LHFPL3: variants seen among roughly 807,000 people sequenced by gnomAD.
LHFPL3 encodes LHFPL tetraspan subfamily member 3.
In LHFPL3, 5 loss-of-function variants were observed where a neutral mutation model predicts 19.3. The observed-to-expected ratio is 0.26, with a 90% CI of 0.14 to 0.54. The LOEUF is 0.54. Among genes scored for constraint, LHFPL3 ranks in the 20% least tolerant of loss-of-function variants. The probability of loss-of-function intolerance (pLI) is 0.94; values close to 1 mark genes in which losing one functional copy is unlikely to be tolerated. For synonymous variants in LHFPL3, 133 were observed against 126.2 expected, an observed-to-expected ratio of 1.05 and a Z score of -0.36; for missense variants, 249 against 307.4, an observed-to-expected ratio of 0.81 and a Z score of 1.42.
At chr7:104,718,516 T>A (rs537283842) in intron 1 of LHFPL3, among the ~76,000 whole-genome samples, 1 of 152,248 alleles carries the variant, frequency 6.6e-6, no homozygotes, top group South Asian at 2.1e-4. Context: ...CCTGGCCTTG[T>A]CTAATTTCAG....
At chr7:104,804,226 G>A (rs1790309841) in intron 2 of LHFPL3, 1 of 152,234 alleles carries the variant, frequency 6.6e-6, no homozygotes, top group African/African-American at 2.4e-5. Flanking sequence ...ACCCAGACAT[G>A]TGATATGCTG....
intron 1 of LHFPL3, among the ~76,000 whole-genome samples, chr7:104,374,186 TTATC>T (rs201903374): frequency 3.6e-4 from 39 of 107,654 alleles, no homozygotes; most frequent in African/African-American, 1.0e-3. Flanking sequence ...AGTAATTCTA[TTATC>T]TATCTATCTA....
At chr7:104,373,728 C>T (rs1010098795) in intron 1 of LHFPL3, among the ~76,000 whole-genome samples, 10 of 152,014 alleles carry the variant, frequency 6.6e-5, no homozygotes, top group Admixed American at 5.2e-4. Context: ...TGGTGGCTGC[C>T]CTTAGAGGTG....
At chr7:104,751,381 TG>T (rs1286815557) in intron 2 of LHFPL3, among the ~76,000 whole-genome samples, 26 of 151,594 alleles carry the variant, frequency 1.7e-4, no homozygotes, top group Admixed American at 3.3e-4. Context: ...AGGCACTTCC[TG>T]GGTCTTGGAT....
chr7:104,570,091 A>T (rs1212815667), intron 1 of LHFPL3, among the ~76,000 whole-genome samples: 1 of 152,244 alleles, frequency 6.6e-6, no homozygotes, highest in Non-Finnish European at 1.5e-5. Context: ...GGCTTAAATT[A>T]GACTGTTTTT....
intron 1 of LHFPL3, among the ~76,000 whole-genome samples, chr7:104,460,507 C>T (rs765788378): frequency 1.7e-4 from 26 of 152,166 alleles, no homozygotes; most frequent in Admixed American, 3.3e-4. Context: ...ACCTCACTAG[C>T]ATCTGTTATT....
chr7:104,665,780 C>G (rs1792322402), intron 1 of LHFPL3, among the ~76,000 whole-genome samples: 1 of 152,176 alleles, frequency 6.6e-6, no homozygotes, highest in Admixed American at 6.5e-5. Context: ...GGAAATTGAC[C>G]TGTTTTGTGT....
intron 1 of LHFPL3, among the ~76,000 whole-genome samples, chr7:104,731,330 TG>T (rs1423232521): frequency 6.6e-6 from 1 of 151,858 alleles, no homozygotes; most frequent in Non-Finnish European, 1.5e-5. Flanking sequence ...GGCATTTTCA[TG>T]ATATTGATTC....
At chr7:104,389,139 A>G (rs143298489) in intron 1 of LHFPL3, among the ~76,000 whole-genome samples, 1 of 152,278 alleles carries the variant, frequency 6.6e-6, no homozygotes, top group Non-Finnish European at 1.5e-5. Flanking sequence ...CCACACACAT[A>G]CAAAACTATT....
intron 1 of LHFPL3, among the ~76,000 whole-genome samples, chr7:104,407,846 A>G (rs535759803): frequency 6.6e-6 from 1 of 152,360 alleles, no homozygotes; most frequent in African/African-American, 2.4e-5. Context: ...CTTTCATGAC[A>G]ACCATCTAGA....
chr7:104,507,024 A>T (rs1793712561), intron 1 of LHFPL3, among the ~76,000 whole-genome samples: 1 of 152,322 alleles, frequency 6.6e-6, no homozygotes, highest in East Asian at 1.9e-4. Context: ...TTTTTAGAAG[A>T]GAGAACTGGT....
Position 104,399,450 on chromosome 7 carries a change from G to C in LHFPL3, c.445+70226G>C. On this transcript the variant is annotated intron_variant, in intron 1 of 2. Transcript: ENST00000424859. The surrounding 1 kb of genome is among the most constrained non-coding windows in gnomAD (Gnocchi z 4.4). ...TTCTTCTGTTTTTTTTTGTTTTTTA[G>C]GTTTTTTTTGTTTGTTTGTTTGAGA... Among the ~76,000 whole-genome samples the C allele has an allele frequency of 6.9e-6, 1 of 145,948 alleles. No individual in the cohort carries two copies. Among genetic ancestry groups the C allele is most frequent in the East Asian group, 2.0e-4 (1 of 5,124 alleles).
At chr7:104,419,600 A>G (rs911658101) in intron 1 of LHFPL3, among the ~76,000 whole-genome samples, 2 of 152,232 alleles carry the variant, frequency 1.3e-5, no homozygotes, top group Non-Finnish European at 2.9e-5. Flanking sequence ...GAGGAAGATT[A>G]TAAGTTTGAC....
intron 1 of LHFPL3, among the ~76,000 whole-genome samples, chr7:104,648,834 A>G (rs1019470285): frequency 6.6e-6 from 1 of 152,230 alleles, no homozygotes; most frequent in African/African-American, 2.4e-5. Context: ...GGCCTATGGC[A>G]CAATTCTCTT....
chr7:104,808,005 G>C (rs775174002), intron 2 of LHFPL3, among the ~76,000 whole-genome samples: 2 of 152,192 alleles, frequency 1.3e-5, no homozygotes, highest in Non-Finnish European at 1.5e-5. Flanking sequence ...TCACTGGCCA[G>C]GACTATACTC....
At chr7:104,830,646 C>A (rs936159071) in intron 2 of LHFPL3, among the ~76,000 whole-genome samples, 19 of 151,990 alleles carry the variant, frequency 1.3e-4, no homozygotes, top group African/African-American at 4.6e-4. Context: ...TGGTTGTAGA[C>A]AAGTGGCATT....
intron 1 of LHFPL3, among the ~76,000 whole-genome samples, chr7:104,394,776 T>C (rs1187548734): frequency 6.6e-6 from 1 of 151,868 alleles, no homozygotes; most frequent in Non-Finnish European, 1.5e-5. Context: ...TCTCAGCTGA[T>C]TGCACCCTCC....
At chr7:104,420,239 A>T (rs1409102780) in intron 1 of LHFPL3, among the ~76,000 whole-genome samples, 1 of 152,226 alleles carries the variant, frequency 6.6e-6, no homozygotes, top group East Asian at 1.9e-4. Context: ...CCAGAGGGCC[A>T]CACTAGTAGT....
intron 1 of LHFPL3, among the ~76,000 whole-genome samples, chr7:104,591,909 G>A (rs950699772): frequency 2.1e-4 from 32 of 152,162 alleles, no homozygotes; most frequent in African/African-American, 7.7e-4. Flanking sequence ...GATCAAATCG[G>A]CTACTGAAGC....
Sources: allele counts gnomAD v4.1 joint callset (sites outside exome capture counted in the v4.1 genomes callset), GRCh38; gene constraint gnomAD v4.1.1; non-coding constraint Gnocchi (gnomAD v3.1); transcripts MANE v1.5; gene names NCBI Gene and HGNC (gene_info 2026-07-23, HGNC 2026-07-21).